The following USP9Y variants were observed in gnomAD, a reference collection of about 807,000 sequenced individuals.
The protein encoded by USP9Y is ubiquitin carboxyl-terminal hydrolase 9Y.
In USP9Y, 41 loss-of-function variants were observed where a neutral mutation model predicts 53.1. The ratio of observed to expected loss-of-function variants is 0.77; its 90% CI spans 0.60 to 1.00. The LOEUF is 1.00. Ranked by LOEUF, USP9Y falls within the 50% of genes least tolerant of loss-of-function variation. The pLI is 0.00. For synonymous variants in USP9Y, 220 were observed against 173.7 expected, an observed-to-expected ratio of 1.27 and a Z score of -2.09; for missense variants, 567 against 535.8, an observed-to-expected ratio of 1.06 and a Z score of -0.58.
chrY:12,859,968 A>T lies in USP9Y; in HGVS notation c.*552A>T. 2.9e-5 allele frequency: 1 copy of T among 35,001 alleles called. No individual in the cohort carries two copies. Among genetic ancestry groups the T allele is most frequent in the Non-Finnish European group, 7.0e-5 (1 of 14,278 alleles). The allele number at this position is 35,001 out of a possible 400,897, so 8.7% of individuals were successfully genotyped here. On this transcript the variant is annotated 3_prime_UTR_variant, in exon 46 of 46. Coordinates refer to ENST00000338981, the MANE Select transcript of USP9Y (RefSeq NM_004654.4). ...AAAATTGGCAGTGTAACATTTCTAG[A>T]TACTTTTCATTACCTTTTTATTCTG... is the stretch of plus-strand genomic sequence containing the variant.
At chrY:12,716,221 G>A (rs2053430441) in intron 3 of USP9Y, among the ~76,000 whole-genome samples, 1 of 33,888 alleles carries the variant, frequency 3.0e-5, no homozygotes, top group South Asian at 6.4e-4. Context: ...GTTGAATATG[G>A]TAGGCAATTG....
chrY:12,854,087 A>T (rs930638703), intron 42 of USP9Y, among the ~76,000 whole-genome samples: 1 of 33,433 alleles, frequency 3.0e-5, no homozygotes, highest in Non-Finnish European at 7.3e-5. Flanking sequence ...ACATACACAC[A>T]CACAGAAACA....
chrY:12,813,361 A>T, intron 31 of USP9Y, among the ~76,000 whole-genome samples: 1 of 34,023 alleles, frequency 2.9e-5, no homozygotes, highest in African/African-American at 1.1e-4. Context: ...AAAAGTTTAT[A>T]TTTAAAATGT....
Position 12,812,959 on chromosome Y carries a change from C to T in USP9Y, c.4516C>T (p.Leu1506=). The change falls in exon 31 of 46, where the codon CTA becomes TTA. Residue 1506 remains leucine, a synonymous_variant. Transcript: ENST00000338981. ...CGTTACCATCAATGCCGGTTTTGAG[C>T]TACTTGTAGCATTAGCTATTGGCTG... ...SPVTINAGFE[L]LVALAIGCVR... is the part of the protein sequence containing the mutation. 3 of 398,631 alleles carry T rather than the reference C, an allele frequency of 7.5e-6. No individual in the cohort carries two copies. The highest frequency in any genetic ancestry group is 1.1e-5 in the Non-Finnish European group (3 of 283,388).
chrY:12,778,833 G>A (rs2148285985), intron 21 of USP9Y, 78 bp downstream of exon 21: 2 of 273,333 alleles, frequency 7.3e-6, no homozygotes, highest in Admixed American at 8.7e-5. Context: ...GATTTATAGA[G>A]ATTCATAAAT....
chrY:12,764,241 C>G, intron 15 of USP9Y, among the ~76,000 whole-genome samples: 1 of 32,816 alleles, frequency 3.0e-5, no homozygotes, highest in Non-Finnish European at 7.5e-5. Flanking sequence ...ATTTGGGCAT[C>G]AAAATAATTA....
chrY:12,730,617 C>A (rs2148281128), intron 7 of USP9Y, among the ~76,000 whole-genome samples: 9 of 31,009 alleles, frequency 2.9e-4, no homozygotes, highest in Non-Finnish European at 3.9e-4. Flanking sequence ...TGGGAGTGTG[C>A]ACCACGATGT....
Position 12,742,977 on chromosome Y carries a change from C to T in USP9Y, c.1422+3348C>T, listed in dbSNP as rs199684933. ...CCTGGCAACTAACCAGACCGCCAGT[C>T]GGCTCAATTTCTAAAGGTCTTTTGC... On this transcript the variant is annotated intron_variant, in intron 12 of 45. Coordinates refer to ENST00000338981, the MANE Select transcript of USP9Y (RefSeq NM_004654.4). 1.8e-3 allele frequency among the ~76,000 whole-genome samples: 59 copies of T among 32,828 alleles called. No homozygotes were observed. In the East Asian group the frequency reaches 0.048, roughly 27 times the overall value. The allele number at this position is 32,828 out of a possible 37,273, so 88.1% of individuals were successfully genotyped here. A position where few individuals can be genotyped will look rare whatever the true frequency, so the allele number is the denominator to read the frequency against.
intron 33 of USP9Y, 32 bp from the exon 34 acceptor site, chrY:12,833,656 A>G (rs2053552329): frequency 2.6e-6 from 1 of 381,455 alleles, no homozygotes; most frequent in African/African-American, 6.5e-5. Flanking sequence ...GGCATGTATT[A>G]CATAACTCAT....
Position 12,833,799 on chromosome Y carries a change from A to C in USP9Y, c.5133A>C (p.Ile1711=). Residue 1711 remains isoleucine (I), a synonymous_variant, in exon 34 of 46, where the codon ATA becomes ATC. Transcript: ENST00000338981. The part of the protein sequence containing the change: ...EALKALGHPA[I]LSKVLGGSFA... The stretch of plus-strand genomic sequence containing the variant: ...TAAAAGCTTTAGGACACCCGGCTAT[A>C]CTAAGTAAAGTCCTAGGAGGCTCCT... 2.5e-6 allele frequency: 1 copy of C among 398,381 alleles called. No homozygotes were observed. Among genetic ancestry groups the C allele is most frequent in the Non-Finnish European group, 3.5e-6 (1 of 283,420 alleles).
intron 42 of USP9Y, among the ~76,000 whole-genome samples, chrY:12,855,440 G>A (rs1603204362): frequency 3.0e-5 from 1 of 32,895 alleles, no homozygotes; most frequent in Non-Finnish European, 7.4e-5. Context: ...TCAAGCTCCT[G>A]ACTTCAGGTG....
intron 5 of USP9Y, among the ~76,000 whole-genome samples, chrY:12,723,852 G>A: frequency 3.0e-5 from 1 of 33,084 alleles, no homozygotes; most frequent in East Asian, 7.8e-4. Context: ...CTCTGTGGTG[G>A]TATTGATAAT....
At chrY:12,749,319 CAA>C in intron 12 of USP9Y, among the ~76,000 whole-genome samples, 1 of 32,951 alleles carries the variant, frequency 3.0e-5, no homozygotes, top group Non-Finnish European at 7.5e-5. Context: ...AGAAAAGAGA[CAA>C]GAGAAGAGGC....
At position 12,833,536 on chromosome Y, in the gene USP9Y, C is replaced by T; in HGVS notation, c.5022-152C>T. The stretch of plus-strand genomic sequence containing the variant: ...AGTATCATTATTACTGTAAGCACTT[C>T]GATTGTGTTGCATCTGCAAACAATG... On this transcript the variant is annotated intron_variant, in intron 33 of 45. Coordinates refer to ENST00000338981, the MANE Select transcript of USP9Y (RefSeq NM_004654.4). 5 of 175,731 alleles carry T rather than the reference C, an allele frequency of 2.8e-5. No individual in the cohort carries two copies. In the Admixed American group the frequency reaches 3.2e-4, roughly 11 times the overall value. The allele number at this position is 175,731 out of a possible 400,897, so 43.8% of individuals were successfully genotyped here.
chrY:12,809,470 G>GAT (rs2053527705), intron 27 of USP9Y, among the ~76,000 whole-genome samples: 1 of 31,503 alleles, frequency 3.2e-5, no homozygotes, highest in Admixed American at 2.9e-4. Context: ...TGGGGTGGAG[G>GAT]AGAGAGAGAG....
At position 12,842,392 on chromosome Y, in the gene USP9Y, T is replaced by G; in HGVS notation, c.6365T>G (p.Val2122Gly). 2.5e-6 allele frequency: 1 copy of G among 398,316 alleles called. No individual in the cohort carries two copies. The highest frequency in any genetic ancestry group is 3.0e-5 in the South Asian group (1 of 33,782). Residue 2122 changes from valine (V) to glycine (G), a missense_variant, in exon 38 of 46, where the codon GTG becomes GGG. Physicochemically the swap from Val to Gly is moderately radical, Grantham distance 109. Coordinates refer to ENST00000338981, the MANE Select transcript of USP9Y (RefSeq NM_004654.4). ...AGGGGTGCATTTGCAAAACTTATAG[T>G]GTTTATTGCACACTTTTCCTTGCAA... is the stretch of plus-strand genomic sequence containing the variant. ...EVRGAFAKLIVFIAHFSLQDG... is the reference protein window; with the variant it reads ...EVRGAFAKLIGFIAHFSLQDG...
intron 32 of USP9Y, 130 bp downstream of exon 32, chrY:12,816,474 T>C: frequency 5.5e-6 from 1 of 182,512 alleles, no homozygotes; most frequent in Non-Finnish European, 9.9e-6. Context: ...TCTGAGATAC[T>C]ATGTCTGGCA....
chrY:12,829,241 A>G (rs2053549180), intron 33 of USP9Y, among the ~76,000 whole-genome samples: 1 of 34,342 alleles, frequency 2.9e-5, no homozygotes, highest in Admixed American at 2.7e-4. Context: ...CTGCCATTAA[A>G]GCCACAAAAA....
At chrY:12,754,373 A>G in intron 12 of USP9Y, among the ~76,000 whole-genome samples, 2 of 31,088 alleles carry the variant, frequency 6.4e-5, no homozygotes, top group African/African-American at 1.3e-4. Context: ...GACTATAGGT[A>G]TGAATCACTA....
Sources: gnomAD v4.1 joint callset for allele counts (sites outside exome capture counted in the v4.1 genomes callset) on GRCh38, gnomAD v4.1.1 for gene constraint, MANE v1.5 for transcripts, NCBI Gene and HGNC (gene_info 2026-07-23, HGNC 2026-07-21) for gene names.